Variants in ZSCAN23 observed in about 807,000 individuals in gnomAD.
ZSCAN23 encodes zinc finger and SCAN domain containing 23, also known as zinc finger and SCAN domain-containing protein 23.
Under a neutral mutation model 19.3 loss-of-function variants are expected in ZSCAN23, and 19 were observed. The observed-to-expected ratio is 0.99, with a 90% CI of 0.69 to 1.45. The LOEUF is 1.45. ZSCAN23 is among the 40% of genes most tolerant of loss of function. The pLI is 0.00. For synonymous variants in ZSCAN23, 140 were observed against 166.2 expected (o/e 0.84, Z 1.21); for missense variants, 372 against 462.5 (o/e 0.80, Z 1.79).
In ZSCAN23 at chr6:28,443,402, G is replaced by A. The variant is rs1255168789; in HGVS notation, c.-81C>T. On this transcript the variant is annotated 5_prime_UTR_variant, in exon 1 of 4. Transcript: ENST00000289788. ...GTAGCCCGACTCCGAAGCTCACCGA[G>A]GCATCCGTGAGAGGAGATGCCACCT... 1 of 152,450 alleles carries A rather than the reference G, an allele frequency of 6.6e-6. No individual in the cohort carries two copies. The highest frequency in any genetic ancestry group is 2.4e-5 in the African/African-American group (1 of 41,468). The allele number at this position is 152,450 out of a possible 1,614,324, so 9.4% of individuals were successfully genotyped here. A position where few individuals can be genotyped will look rare whatever the true frequency, so the allele number is the denominator to read the frequency against.
At chr6:28,441,253 A>G (rs1454887573) in intron 1 of ZSCAN23, among the ~76,000 whole-genome samples, 2 of 152,114 alleles carry the variant, frequency 1.3e-5, no homozygotes, top group Admixed American at 6.5e-5. Context: ...GACACCATCT[A>G]TGGCTCCTCA....
At chr6:28,442,217 G>C (rs897985743) in intron 1 of ZSCAN23, among the ~76,000 whole-genome samples, 1 of 152,128 alleles carries the variant, frequency 6.6e-6, no homozygotes, top group Non-Finnish European at 1.5e-5. Context: ...CAAGTTAGTT[G>C]ATTTTTCTAA....
downstream of ZSCAN23, among the ~76,000 whole-genome samples, chr6:28,431,523 G>A (rs868721199): frequency 4.6e-5 from 7 of 152,296 alleles, no homozygotes; most frequent in East Asian, 1.9e-4. Context: ...CAGTAGGTCT[G>A]GGGTGGGGCT....
chr6:28,442,972 C>A (rs1442274494), intron 1 of ZSCAN23, among the ~76,000 whole-genome samples: 4 of 152,106 alleles, frequency 2.6e-5, no homozygotes, highest in African/African-American at 7.2e-5. Context: ...GCAGCAAGAG[C>A]CTTTATACTA....
the ZSCAN23 span, among the ~76,000 whole-genome samples, chr6:28,426,903 C>T: frequency 0.049 from 7,482 of 152,208 alleles, 314 homozygotes; most frequent in Non-Finnish European, 0.088. Context: ...CTCTGCCTCC[C>T]GGGTTCAAGC....
Position 28,432,832 on chromosome 6 carries a change from A to G in ZSCAN23, c.*1633T>C, listed in dbSNP as rs1761786405. 6.6e-6 allele frequency: 1 copy of G among 152,126 alleles called. No individual in the cohort carries two copies. The highest frequency in any genetic ancestry group is 2.4e-5 in the African/African-American group (1 of 41,448). 9.4% of individuals were successfully genotyped at this position (152,126 alleles called of 1,614,324 possible). A position where few individuals can be genotyped will look rare whatever the true frequency, so the allele number is the denominator to read the frequency against. On this transcript the variant is annotated 3_prime_UTR_variant, in exon 4 of 4. Transcript: ENST00000289788. ...AAGGTATTAGAAGAGTATAAATAAT[A>G]TGCCATCTTCCTGAGTAATGGAAGA...
intron 1 of ZSCAN23, among the ~76,000 whole-genome samples, chr6:28,442,642 A>T (rs1193532752): frequency 6.6e-6 from 1 of 152,270 alleles, no homozygotes. Flanking sequence ...CCCGGGTTAT[A>T]GCTGTAAAGC....
intron 1 of ZSCAN23, among the ~76,000 whole-genome samples, chr6:28,438,760 C>A (rs1034320401): frequency 6.6e-6 from 1 of 152,118 alleles, no homozygotes; most frequent in African/African-American, 2.4e-5. Flanking sequence ...GTCCCTCCCA[C>A]GACACATGGG....
At chr6:28,425,530 T>C in the ZSCAN23 span, among the ~76,000 whole-genome samples, 1 of 152,150 alleles carries the variant, frequency 6.6e-6, no homozygotes, top group Non-Finnish European at 1.5e-5. Context: ...GGTTTTTCCA[T>C]GTTGCCCAGG....
In ZSCAN23 at chr6:28,435,882, C is replaced by G; in HGVS notation, c.385G>C (p.Glu129Gln). 1.9e-6 allele frequency: 3 copies of G among 1,606,134 alleles called. No individual in the cohort carries two copies. Among genetic ancestry groups the G allele is most frequent in the Non-Finnish European group, 2.6e-6 (3 of 1,176,376 alleles). Reference protein sequence around the residue: ...AVTVLEDLERELDDPGEQVLS... With the variant: ...AVTVLEDLERQLDDPGEQVLS... ...ACCTGCTCTCCTGGGTCATCCAGCT[C>G]TCTCTCCAAATCCTCCAGCACAGTC... The change falls in exon 2 of 4, where the codon GAG becomes CAG. Residue 129 changes from glutamate to glutamine, a missense_variant. Physicochemically the swap from Glu to Gln is conservative, Grantham distance 29 (BLOSUM62 2). Coordinates refer to ENST00000289788, the MANE Select transcript of ZSCAN23 (RefSeq NM_001012455.2).
downstream of ZSCAN23, among the ~76,000 whole-genome samples, chr6:28,427,085 G>T (rs373587784): frequency 6.6e-6 from 1 of 152,156 alleles, no homozygotes; most frequent in African/African-American, 2.4e-5. Flanking sequence ...GAGCCACCGC[G>T]CCTGGCCCAA....
At chr6:28,430,129 G>T (rs536559959), downstream of ZSCAN23, among the ~76,000 whole-genome samples, 11 of 127,104 alleles carry the variant, frequency 8.7e-5, no homozygotes, top group East Asian at 3.5e-3. Context: ...GAAGACACTT[G>T]ACTGCTCGCA....
At chr6:28,431,857 T>G (rs1335528644), downstream of ZSCAN23, 3 of 152,262 alleles carry the variant, frequency 2.0e-5, no homozygotes, top group Non-Finnish European at 4.4e-5. Context: ...CAACACTCTG[T>G]CTCTGCATCT....
downstream of ZSCAN23, among the ~76,000 whole-genome samples, chr6:28,428,040 C>T (rs1761691865): frequency 6.6e-6 from 1 of 152,194 alleles, no homozygotes; most frequent in Non-Finnish European, 1.5e-5. Flanking sequence ...TGAGCCATTG[C>T]ACTCCAGCAT....
In ZSCAN23 at chr6:28,435,970, G is replaced by A. The variant is rs767294344; in HGVS notation, c.297C>T (p.Ile99=). 3 of 1,614,190 alleles carry A rather than the reference G, an allele frequency of 1.9e-6. No individual in the cohort carries two copies. Among genetic ancestry groups the A allele is most frequent in the Admixed American group, 1.7e-5 (1 of 60,022 alleles). The change falls in exon 2 of 4, where the codon ATC becomes ATT. Residue 99 remains isoleucine, a synonymous_variant. Coordinates refer to ENST00000289788, the MANE Select transcript of ZSCAN23 (RefSeq NM_001012455.2). The part of the protein sequence containing the change: ...ELLVLEQFLT[I]LPEELQAWVR... ...CCCAGGCCTGGAGCTCCTCAGGCAG[G>A]ATAGTCAGGAACTGCTCCAGCACCA...
downstream of ZSCAN23, among the ~76,000 whole-genome samples, chr6:28,430,734 C>G (rs917677280): frequency 7.9e-5 from 12 of 152,130 alleles, no homozygotes; most frequent in Non-Finnish European, 1.6e-4. Flanking sequence ...ACACTTAAGG[C>G]AGGGTCAGCT....
intron 1 of ZSCAN23, among the ~76,000 whole-genome samples, chr6:28,441,996 G>C (rs1762011774): frequency 6.6e-6 from 1 of 150,774 alleles, no homozygotes; most frequent in Admixed American, 6.7e-5. Context: ...TCCTGCCTCA[G>C]CTTCCGGAGT....
At chr6:28,442,235 G>C (rs1762016492) in intron 1 of ZSCAN23, among the ~76,000 whole-genome samples, 1 of 152,094 alleles carries the variant, frequency 6.6e-6, no homozygotes, top group South Asian at 2.1e-4. Flanking sequence ...TAAGCCTCAA[G>C]CTCATATATG....
chr6:28,439,102 CTT>C (rs548029754), intron 1 of ZSCAN23, among the ~76,000 whole-genome samples: 1 of 145,442 alleles, frequency 6.9e-6, no homozygotes. Context: ...TTTTCCCCCA[CTT>C]TTTTTTTTTT....
Sources: gnomAD v4.1 joint callset for allele counts (sites outside exome capture counted in the v4.1 genomes callset) on GRCh38, gnomAD v4.1.1 for gene constraint, MANE v1.5 for transcripts, NCBI Gene and HGNC (gene_info 2026-07-23, HGNC 2026-07-21) for gene names.